The following REXO2 variants were observed in gnomAD, a reference collection of about 807,000 sequenced individuals.
REXO2 encodes the protein oligoribonuclease, mitochondrial.
In REXO2, 17 loss-of-function variants were observed where a neutral mutation model predicts 30.9. The observed-to-expected ratio is 0.55, with a 90% CI of 0.38 to 0.82. The LOEUF is 0.82. REXO2 is among the 40% of genes least tolerant of loss of function. REXO2 has a pLI of 0.00. For missense variants in REXO2, 253 were observed against 293.2 expected, an observed-to-expected ratio of 0.86 and a Z score of 1.00; for synonymous variants, 105 against 99.6, an observed-to-expected ratio of 1.05 and a Z score of -0.32.
chr11:114,441,689 C>T, intron 2 of REXO2: 3 of 701,412 alleles, frequency 4.3e-6, no homozygotes, highest in Non-Finnish European at 7.8e-6. Flanking sequence ...ATGTTACTGG[C>T]ACTGGATACA....
Position 114,439,687 on chromosome 11 carries a change from C to A in REXO2, c.147+12C>A, listed in dbSNP as rs771325107. On this transcript the variant is annotated intron_variant, in intron 1 of 6. Coordinates refer to ENST00000265881, the MANE Select transcript of REXO2 (RefSeq NM_015523.4). ...GGGTGGACCTGGAGGTGAGTGAGGT[C>A]GGCGGGGGGCTTGGGGAGGCGAGTG... 6.1e-6 allele frequency: 9 copies of A among 1,482,222 alleles called. No homozygotes were observed. In the Admixed American group the frequency reaches 7.8e-5, roughly 13 times the overall value. The allele number at this position is 1,482,222 out of a possible 1,614,324, so 91.8% of individuals were successfully genotyped here.
intron 1 of REXO2, 140 bp downstream of exon 1, chr11:114,439,815 A>AGG (rs1565269639): frequency 9.6e-7 from 1 of 1,044,960 alleles, no homozygotes; most frequent in Non-Finnish European, 1.3e-6. Context: ...CGGGCGGTGC[A>AGG]GGGCAAGTCC....
At chr11:114,447,943 T>A in intron 6 of REXO2, 64 bp downstream of exon 6, 7 of 1,251,580 alleles carry the variant, frequency 5.6e-6, no homozygotes, top group Non-Finnish European at 8.1e-6. Flanking sequence ...AATTCCTGAC[T>A]GCTTGAAATA....
chr11:114,440,671 A>G lies in REXO2; in HGVS notation c.163A>G (p.Ile55Val). Residue 55 changes from isoleucine to valine, a missense_variant, in exon 2 of 7, where the codon ATT becomes GTT. Ile to Val is a conservative substitution (Grantham distance 29). Transcript: ENST00000265881. The stretch of plus-strand genomic sequence containing the variant: ...TTAATTGCAGATGACAGGATTGGAC[A>G]TTGAGAAGGACCAGATTATTGAGAT... ...WVDLEMTGLD[I>V]EKDQIIEMAC... The G allele has an allele frequency of 6.2e-7, 1 of 1,613,228 alleles. No individual in the cohort carries two copies. Among genetic ancestry groups the G allele is most frequent in the South Asian group, 1.1e-5 (1 of 91,038 alleles).
At position 114,439,607 on chromosome 11, in the gene REXO2, C is replaced by A. The variant is rs1398205430; in HGVS notation, c.79C>A (p.Arg27Ser). Residue 27 changes from arginine to serine, a missense_variant, in exon 1 of 7, where the codon CGC becomes AGC. Transcript: ENST00000265881. ...CGGACGGTTCGGGGCCCGAGGTGTC[C>A]GCGAAGGTGGCGCAGCCATGGCGGC... ...SHGRFGARGVREGGAAMAAGE... is the reference protein window; with the variant it reads ...SHGRFGARGVSEGGAAMAAGE... The A allele has an allele frequency of 3.7e-6, 6 of 1,605,156 alleles. No individual in the cohort carries two copies. In the African/African-American group the frequency reaches 6.7e-5, roughly 18 times the overall value.
chr11:114,441,882 A>G lies in REXO2; in HGVS notation c.231+1143A>G. On this transcript the variant is annotated intron_variant, in intron 2 of 6. Transcript: ENST00000265881. ...ATAACAACTTTTTTAACTTTGTATA[A>G]ATAAAGCCCTGAGTTTTAGATTTGG... is the stretch of plus-strand genomic sequence containing the variant. The G allele has an allele frequency of 4.7e-6, 3 of 631,728 alleles. No homozygotes were observed. In the South Asian group the frequency reaches 5.5e-5, roughly 12 times the overall value. The allele number at this position is 631,728 out of a possible 1,614,324, so 39.1% of individuals were successfully genotyped here.
At chr11:114,443,960 T>C (rs1346373320) in intron 3 of REXO2, 27 bp downstream of exon 3, 3 of 1,539,666 alleles carry the variant, frequency 1.9e-6, no homozygotes, top group African/African-American at 1.4e-5. Flanking sequence ...ACAGGATTGC[T>C]GCTTTGGGGA....
rs1591213222 is a variant in REXO2 at position 114,450,105 on chromosome 11, A to G, written c.*130A>G. The G allele has an allele frequency of 8.1e-6, 7 of 864,940 alleles. No individual in the cohort carries two copies. In the East Asian group the frequency reaches 1.4e-4, roughly 17 times the overall value. The allele number at this position is 864,940 out of a possible 1,614,324, so 53.6% of individuals were successfully genotyped here. A position where few individuals can be genotyped will look rare whatever the true frequency, so the allele number is the denominator to read the frequency against. ...CTCCAGATTGATTACTCAAGCAGAC[A>G]GCACACGAAATACTATTTTTCTCCT... On this transcript the variant is annotated 3_prime_UTR_variant, in exon 7 of 7. Coordinates refer to ENST00000265881, the MANE Select transcript of REXO2 (RefSeq NM_015523.4).
intron 1 of REXO2, among the ~76,000 whole-genome samples, chr11:114,440,415 A>G (rs1050021710): frequency 3.3e-5 from 5 of 152,136 alleles, no homozygotes; most frequent in South Asian, 4.1e-4. Flanking sequence ...CTTACTTTGC[A>G]TCTGTCCCGG....
At chr11:114,440,594 C>A in intron 1 of REXO2, 62 bp from the exon 2 acceptor site, 2 of 1,244,152 alleles carry the variant, frequency 1.6e-6, no homozygotes, top group Non-Finnish European at 1.2e-6. Flanking sequence ...GTTAAATAAA[C>A]TTGGGTAAAA....
Position 114,443,911 on chromosome 11 carries a change from G to A in REXO2, c.287G>A (p.Trp96Ter). Residue 96 changes from tryptophan to a stop codon, truncating the protein, a stop_gained, in exon 3 of 7, where the codon TGG becomes TAG. Coordinates refer to ENST00000265881, the MANE Select transcript of REXO2 (RefSeq NM_015523.4). LOFTEE classifies it high-confidence loss of function. ...GAGTTGCTGGACAGCATGTCAGATTGGTGTAAGGAGCATCACGGGAAGGTA... is the reference window on the plus strand; with the variant it reads ...GAGTTGCTGGACAGCATGTCAGATTAGTGTAAGGAGCATCACGGGAAGGTA... The part of the protein sequence containing the change: ...PDELLDSMSD[W>*]CKEHHGKSGL... The A allele has an allele frequency of 6.2e-7, 1 of 1,608,644 alleles. No homozygotes were observed. Among genetic ancestry groups the A allele is most frequent in the Non-Finnish European group, 8.5e-7 (1 of 1,177,456 alleles).
chr11:114,444,327 C>G (rs1209116834), intron 3 of REXO2: 1 of 631,582 alleles, frequency 1.6e-6, no homozygotes, highest in South Asian at 1.6e-5. Flanking sequence ...TGTGGACATG[C>G]TATTAACAGT....
intron 4 of REXO2, 44 bp from the exon 5 acceptor site, chr11:114,445,932 TATA>T: frequency 9.9e-7 from 1 of 1,007,740 alleles, no homozygotes; most frequent in Non-Finnish European, 1.6e-6. Context: ...TATCCTGTTG[TATA>T]ATACTAGAAA....
chr11:114,448,924 G>A (rs1270826837), intron 6 of REXO2: 3 of 152,230 alleles, frequency 2.0e-5, no homozygotes, highest in African/African-American at 7.2e-5. Context: ...AATTTTGGCA[G>A]CTTCGGCTCT....
chr11:114,448,489 G>A (rs1946525125), intron 6 of REXO2, among the ~76,000 whole-genome samples: 2 of 152,098 alleles, frequency 1.3e-5, no homozygotes, highest in Non-Finnish European at 2.9e-5. Flanking sequence ...ACAGTTATAG[G>A]CAAATAGAGA....
chr11:114,441,197 G>A (rs571967225), intron 2 of REXO2, among the ~76,000 whole-genome samples: 1 of 152,276 alleles, frequency 6.6e-6, no homozygotes, highest in South Asian at 2.1e-4. Context: ...GGCTGTCTCA[G>A]TAAGGTGCTC....
At chr11:114,441,085 T>C (rs901496147) in intron 2 of REXO2, 9 of 179,252 alleles carry the variant, frequency 5.0e-5, no homozygotes, top group Non-Finnish European at 9.3e-5. Flanking sequence ...GTTATTGTTA[T>C]AATGCTCATT....
rs1466257360 is a variant in REXO2 at position 114,439,678 on chromosome 11, G to T, written c.147+3G>T. The stretch of plus-strand genomic sequence containing the variant: ...GGATGGTCTGGGTGGACCTGGAGGT[G>T]AGTGAGGTCGGCGGGGGGCTTGGGG... On this transcript the variant is annotated splice_donor_region_variant and intron_variant, in intron 1 of 6. Coordinates refer to ENST00000265881, the MANE Select transcript of REXO2 (RefSeq NM_015523.4). 1 of 1,511,086 alleles carries T rather than the reference G, an allele frequency of 6.6e-7. No homozygotes were observed. Among genetic ancestry groups the T allele is most frequent in the African/African-American group, 1.4e-5 (1 of 71,672 alleles). 93.6% of individuals were successfully genotyped at this position (1,511,086 alleles called of 1,614,324 possible).
chr11:114,440,206 T>C, intron 1 of REXO2: 1 of 449,642 alleles, frequency 2.2e-6, no homozygotes. Context: ...CCCTTCAGGC[T>C]TTCCATGCCC....
Sources: gnomAD v4.1 joint callset for allele counts (sites outside exome capture counted in the v4.1 genomes callset) on GRCh38, gnomAD v4.1.1 for gene constraint, MANE v1.5 for transcripts, NCBI Gene and HGNC (gene_info 2026-07-23, HGNC 2026-07-21) for gene names.